The following DECR1 variants were observed in gnomAD, a reference collection of about 807,000 sequenced individuals.
DECR1 encodes the protein 2,4-dienoyl-CoA reductase 1, also known as 2,4-dienoyl-CoA reductase [(3E)-enoyl-CoA-producing], mitochondrial.
Under a neutral mutation model 38.8 loss-of-function variants are expected in DECR1, and 44 were observed. The ratio of observed to expected loss-of-function variants is 1.13; its 90% CI spans 0.89 to 1.46. The LOEUF is 1.46. Ranked by LOEUF, DECR1 falls within the 40% of genes most tolerant of loss-of-function variation. DECR1 has a pLI of 0.00. For synonymous variants in DECR1, 148 were observed against 135.2 expected (o/e 1.09, Z -0.66); for missense variants, 428 against 405.5 (o/e 1.06, Z -0.48).
At chr8:90,017,033 A>T (rs764178359) in intron 1 of DECR1, 91 bp from the exon 2 acceptor site, 8 of 808,236 alleles carry the variant, frequency 9.9e-6, no homozygotes, top group Admixed American at 2.5e-5. Flanking sequence ...CAAGAATTTG[A>T]TTACTATTAA....
chr8:90,051,947 C>A lies in DECR1; in HGVS notation c.*50C>A. 1 of 1,446,180 alleles carries A rather than the reference C, an allele frequency of 6.9e-7. No homozygotes were observed. Among genetic ancestry groups the A allele is most frequent in the Non-Finnish European group, 9.7e-7 (1 of 1,033,032 alleles). The allele number at this position is 1,446,180 out of a possible 1,614,324, so 89.6% of individuals were successfully genotyped here. On this transcript the variant is annotated 3_prime_UTR_variant, in exon 10 of 10. Transcript: ENST00000220764. ...TACAGAAAAGGGAATAGAAATGAAA[C>A]AAATTATCTCTCATCTTTTGACTAT... is the stretch of plus-strand genomic sequence containing the variant.
intron 1 of DECR1, among the ~76,000 whole-genome samples, chr8:90,005,080 A>C (rs1812707437): frequency 1.3e-5 from 2 of 152,202 alleles, no homozygotes; most frequent in Non-Finnish European, 2.9e-5. Context: ...TGTGGTCCCA[A>C]TGGCAATATA....
rs1813788189 is a variant in DECR1 at position 90,042,591 on chromosome 8, T to C, written c.666-137T>C. On this transcript the variant is annotated intron_variant, in intron 6 of 9. Transcript: ENST00000220764. Reference sequence around the variant, plus strand: ...TGCCTTAGTTACATTATCTGTAATATAGGGAACAATAATAGTACCTACCTG... The same window carrying C: ...TGCCTTAGTTACATTATCTGTAATACAGGGAACAATAATAGTACCTACCTG... 5.7e-6 allele frequency: 4 copies of C among 707,014 alleles called. No homozygotes were observed. The East Asian group carries it at 1.0e-4, about 18-fold the overall frequency. The allele number at this position is 707,014 out of a possible 1,614,324, so 43.8% of individuals were successfully genotyped here. A position where few individuals can be genotyped will look rare whatever the true frequency, so the allele number is the denominator to read the frequency against.
rs1264341857 is a variant in DECR1, at chr8:90,051,696, G to C, written c.905G>C (p.Gly302Ala). 1.9e-6 allele frequency: 3 copies of C among 1,612,224 alleles called. No individual in the cohort carries two copies. The highest frequency in any genetic ancestry group is 2.5e-6 in the Non-Finnish European group (3 of 1,179,808). Residue 302 changes from glycine to alanine, a missense_variant, in exon 9 of 10, where the codon GGA becomes GCA. Transcript: ENST00000220764. ...TTCCAGGTCATTAAATTTGACGGTGGAGAGGAAGTACTTATTTCAGGGGAA... is the reference window on the plus strand; with the variant it reads ...TTCCAGGTCATTAAATTTGACGGTGCAGAGGAAGTACTTATTTCAGGGGAA... ...INGAVIKFDGGEEVLISGEFN... is the reference protein window; with the variant it reads ...INGAVIKFDGAEEVLISGEFN...
At chr8:90,011,081 A>T (rs938698021) in intron 1 of DECR1, among the ~76,000 whole-genome samples, 1 of 152,242 alleles carries the variant, frequency 6.6e-6, no homozygotes, top group Non-Finnish European at 1.5e-5. Context: ...GTTTTTGTGC[A>T]TATGTCAACA....
intron 1 of DECR1, among the ~76,000 whole-genome samples, chr8:90,008,438 C>A (rs1812796891): frequency 6.6e-6 from 1 of 152,164 alleles, no homozygotes; most frequent in Non-Finnish European, 1.5e-5. Flanking sequence ...TTCCTTTTTT[C>A]TGGCTCACAT....
intron 1 of DECR1, 112 bp downstream of exon 1, chr8:90,001,673 A>T: frequency 1.1e-6 from 1 of 946,278 alleles, no homozygotes; most frequent in African/African-American, 1.8e-5. Flanking sequence ...CTGGGGCGCA[A>T]AGAGAGAGGA....
chr8:90,027,794 G>A (rs138998659), intron 5 of DECR1, among the ~76,000 whole-genome samples: 3 of 151,878 alleles, frequency 2.0e-5, no homozygotes, highest in Non-Finnish European at 2.9e-5. Context: ...TCGTGAATAA[G>A]TATTGAATTT....
intron 7 of DECR1, 23 bp from the exon 8 acceptor site, chr8:90,044,822 AACCT>A: frequency 6.3e-7 from 1 of 1,588,722 alleles, no homozygotes; most frequent in Non-Finnish European, 8.6e-7. Context: ...AACCCGACAC[AACCT>A]AATTGTTTTC....
At chr8:90,002,200 GATCAGGCCGAGCGAGCAC>G (rs1354097923) in intron 1 of DECR1, among the ~76,000 whole-genome samples, 1 of 152,228 alleles carries the variant, frequency 6.6e-6, no homozygotes, top group Non-Finnish European at 1.5e-5. Context: ...AGTGAGAGGG[GATCAGGCCGAGCGAGCAC>G]TGACCTTTGA....
chr8:90,024,049 G>A (rs943209482), intron 5 of DECR1, among the ~76,000 whole-genome samples: 41 of 152,136 alleles, frequency 2.7e-4, no homozygotes, highest in South Asian at 1.0e-3. Flanking sequence ...ACATGAACTC[G>A]TCCTTTTTTA....
intron 4 of DECR1, among the ~76,000 whole-genome samples, chr8:90,019,756 T>C (rs1449803763): frequency 6.6e-6 from 1 of 152,220 alleles, no homozygotes; most frequent in Non-Finnish European, 1.5e-5. Context: ...GCAAGTGCTG[T>C]GTTGAGAAGC....
At chr8:90,007,140 G>A (rs1338072916) in intron 1 of DECR1, among the ~76,000 whole-genome samples, 3 of 152,172 alleles carry the variant, frequency 2.0e-5, no homozygotes, top group Non-Finnish European at 4.4e-5. Flanking sequence ...GGAGCAATTT[G>A]TGTAAAGACA....
Position 90,044,842 on chromosome 8 carries a change from T to A in DECR1, c.739-7T>A. The stretch of plus-strand genomic sequence containing the variant: ...GACACAACCTAATTGTTTTCTTAAT[T>A]TCTAAGGGTGCCTTTAGCCGTCTGG... On this transcript the variant is annotated splice_region_variant and splice_polypyrimidine_tract_variant and intron_variant, in intron 7 of 9. Coordinates refer to ENST00000220764, the MANE Select transcript of DECR1 (RefSeq NM_001359.2). The A allele has an allele frequency of 6.2e-7, 1 of 1,604,270 alleles. No individual in the cohort carries two copies.
chr8:90,037,153 A>T (rs1308476498), intron 6 of DECR1: 1 of 509,044 alleles, frequency 2.0e-6, no homozygotes, highest in African/African-American at 1.9e-5. Context: ...AATGTTCTGT[A>T]AATATGCACT....
At chr8:90,051,540 A>G in intron 8 of DECR1, 137 bp from the exon 9 acceptor site, 1 of 629,352 alleles carries the variant, frequency 1.6e-6, no homozygotes. Flanking sequence ...TTTAATCATG[A>G]GTTTTATCTT....
chr8:90,039,898 A>G (rs1209894628), intron 6 of DECR1, among the ~76,000 whole-genome samples: 1 of 152,220 alleles, frequency 6.6e-6, no homozygotes, highest in Non-Finnish European at 1.5e-5. Flanking sequence ...TATATAATAA[A>G]CATTGGTTGA....
chr8:90,013,714 A>G (rs1812942756), intron 1 of DECR1, among the ~76,000 whole-genome samples: 1 of 152,180 alleles, frequency 6.6e-6, no homozygotes, highest in Non-Finnish European at 1.5e-5. Flanking sequence ...CTCAAGTTTT[A>G]AAAACATATT....
At chr8:90,031,877 G>A (rs113667893) in intron 5 of DECR1, among the ~76,000 whole-genome samples, 30 of 152,076 alleles carry the variant, frequency 2.0e-4, no homozygotes, top group African/African-American at 7.0e-4. Context: ...TTTATCCTTC[G>A]GTGATAGGTA....
Sources: allele counts gnomAD v4.1 joint callset (sites outside exome capture counted in the v4.1 genomes callset), GRCh38; gene constraint gnomAD v4.1.1; transcripts MANE v1.5; gene names NCBI Gene and HGNC (gene_info 2026-07-23, HGNC 2026-07-21).